The following ADAMTS3 variants were observed in gnomAD, a reference collection of about 807,000 sequenced individuals.
ADAMTS3 encodes A disintegrin and metalloproteinase with thrombospondin motifs 3.
A neutral mutation model predicts 129.0 loss-of-function variants in ADAMTS3; 73 were observed. That is an observed-to-expected ratio of 0.57 (90% CI 0.47 to 0.69). The LOEUF (loss-of-function observed/expected upper bound fraction) is 0.69. ADAMTS3 is among the 30% of genes least tolerant of loss of function. The pLI, the probability that ADAMTS3 is intolerant of heterozygous loss-of-function variation, is 0.00. For missense variants in ADAMTS3, 1,457 were observed against 1,514.5 expected (o/e 0.96, Z 0.63); for synonymous variants, 477 against 510.8 (o/e 0.93, Z 0.89).
intron 4 of ADAMTS3, among the ~76,000 whole-genome samples, chr4:72,346,087 C>T (rs1271688508): frequency 1.3e-5 from 2 of 152,098 alleles, no homozygotes; most frequent in African/African-American, 4.8e-5. Flanking sequence ...ACAAACTTTG[C>T]CTTCAAATTA....
chr4:72,294,292 C>A (rs1299238485), intron 19 of ADAMTS3, among the ~76,000 whole-genome samples: 2 of 151,822 alleles, frequency 1.3e-5, no homozygotes, highest in African/African-American at 4.8e-5. Context: ...TGATTAGGGG[C>A]TTGGGTGAGG....
At chr4:72,412,053 G>C (rs1350633957) in intron 4 of ADAMTS3, among the ~76,000 whole-genome samples, 1 of 152,040 alleles carries the variant, frequency 6.6e-6, no homozygotes, top group Non-Finnish European at 1.5e-5. Context: ...CAATTACTGT[G>C]ACAACTAGCA....
At chr4:72,482,079 G>A (rs566914817) in intron 3 of ADAMTS3, among the ~76,000 whole-genome samples, 1 of 152,074 alleles carries the variant, frequency 6.6e-6, no homozygotes, top group South Asian at 2.1e-4. Context: ...CAACCACTCT[G>A]CATTAACAGT....
At chr4:72,374,571 T>G (rs1172867968) in intron 4 of ADAMTS3, among the ~76,000 whole-genome samples, 1 of 152,158 alleles carries the variant, frequency 6.6e-6, no homozygotes, top group Non-Finnish European at 1.5e-5. Flanking sequence ...AATAAACCCT[T>G]CCATAAATAG....
At chr4:72,288,347 C>T (rs935814919) in intron 21 of ADAMTS3, among the ~76,000 whole-genome samples, 13 of 152,080 alleles carry the variant, frequency 8.5e-5, no homozygotes, top group African/African-American at 3.1e-4. Flanking sequence ...GTAACATTAC[C>T]CACAGATCAA....
intron 3 of ADAMTS3, among the ~76,000 whole-genome samples, chr4:72,436,557 G>A (rs1240495627): frequency 1.3e-5 from 2 of 152,030 alleles, no homozygotes; most frequent in Non-Finnish European, 2.9e-5. Context: ...ACATGCACAC[G>A]TATGTTTATT....
intron 18 of ADAMTS3, among the ~76,000 whole-genome samples, 200 bp from the exon 19 acceptor site, chr4:72,295,986 G>A (rs1718796531): frequency 6.6e-6 from 1 of 151,990 alleles, no homozygotes; most frequent in South Asian, 2.1e-4. Context: ...CAGAGAATAC[G>A]TTTGATAAAT....
chr4:72,458,655 AAC>A (rs1034148603), intron 3 of ADAMTS3, among the ~76,000 whole-genome samples: 14 of 151,614 alleles, frequency 9.2e-5, no homozygotes, highest in Admixed American at 5.3e-4. Flanking sequence ...TTCAAAAAAA[AAC>A]ACAGTGACAT....
chr4:72,520,606 G>T (rs1463694270), intron 3 of ADAMTS3, among the ~76,000 whole-genome samples: 2 of 152,206 alleles, frequency 1.3e-5, no homozygotes, highest in Non-Finnish European at 2.9e-5. Context: ...TGCCGTGCTA[G>T]CAATCAGTGA....
intron 3 of ADAMTS3, among the ~76,000 whole-genome samples, chr4:72,487,564 CT>C (rs1719622666): frequency 6.6e-6 from 1 of 152,118 alleles, no homozygotes; most frequent in African/African-American, 2.4e-5. Context: ...TAACCATTAC[CT>C]TTGGTTCCAG....
At chr4:72,286,797 A>C (rs768112643) in intron 21 of ADAMTS3, among the ~76,000 whole-genome samples, 1 of 152,090 alleles carries the variant, frequency 6.6e-6, no homozygotes, top group Non-Finnish European at 1.5e-5. Context: ...AACGGAAGAG[A>C]GAGTGCAACA....
chr4:72,533,673 A>ATATATATATATACATATATATG (rs1721110797), intron 3 of ADAMTS3, among the ~76,000 whole-genome samples: 6 of 151,366 alleles, frequency 4.0e-5, no homozygotes, highest in Non-Finnish European at 2.9e-5. Flanking sequence ...GTATATGCAC[A>ATATATATATATACATATATATG]TATATGCACA....
intron 17 of ADAMTS3, among the ~76,000 whole-genome samples, 160 bp from the exon 18 acceptor site, chr4:72,298,602 G>A (rs529098808): frequency 2.6e-5 from 4 of 152,076 alleles, no homozygotes; most frequent in African/African-American, 9.6e-5. Flanking sequence ...TAGTGCAAAT[G>A]TGCCCTGTTT....
chr4:72,370,576 C>T (rs1318511723), intron 4 of ADAMTS3, among the ~76,000 whole-genome samples: 1 of 151,996 alleles, frequency 6.6e-6, no homozygotes, highest in Non-Finnish European at 1.5e-5. Context: ...GGCGAAATCC[C>T]ATCTCTACTG....
intron 3 of ADAMTS3, among the ~76,000 whole-genome samples, chr4:72,539,087 A>G (rs1046341853): frequency 1.3e-5 from 2 of 152,132 alleles, no homozygotes; most frequent in Non-Finnish European, 2.9e-5. Flanking sequence ...ATATAGGGCA[A>G]AAGCTTCACA....
intron 3 of ADAMTS3, among the ~76,000 whole-genome samples, chr4:72,457,887 T>C (rs1718666772): frequency 6.6e-6 from 1 of 151,648 alleles, no homozygotes; most frequent in African/African-American, 2.4e-5. Context: ...AAACTCATTA[T>C]CTCTGTTAGA....
chr4:72,366,948 C>A (rs1304134015), intron 4 of ADAMTS3, among the ~76,000 whole-genome samples: 1 of 151,848 alleles, frequency 6.6e-6, no homozygotes, highest in Non-Finnish European at 1.5e-5. Context: ...TCCTTTCTCT[C>A]CTTTATCCTC....
At chr4:72,470,374 TATACAC>T (rs1319299105) in intron 3 of ADAMTS3, among the ~76,000 whole-genome samples, 8 of 144,098 alleles carry the variant, frequency 5.6e-5, no homozygotes, top group East Asian at 2.0e-4. Flanking sequence ...TATATATATA[TATACAC>T]ACACACACAC....
chr4:72,372,163 C>T (rs541869516), intron 4 of ADAMTS3, among the ~76,000 whole-genome samples: 2 of 151,922 alleles, frequency 1.3e-5, no homozygotes, highest in African/African-American at 4.8e-5. Context: ...AAAAGAAGAA[C>T]GGATCAATAT....
Sources: gnomAD v4.1 joint callset for allele counts (sites outside exome capture counted in the v4.1 genomes callset) on GRCh38, gnomAD v4.1.1 for gene constraint, MANE v1.5 for transcripts, NCBI Gene and HGNC (gene_info 2026-07-23, HGNC 2026-07-21) for gene names.